MCTP1: variants seen among roughly 807,000 people sequenced by gnomAD.
MCTP1 encodes the protein multiple C2 and transmembrane domain containing 1.
In MCTP1, 69 loss-of-function variants were observed where a neutral mutation model predicts 120.6. The observed-to-expected ratio is 0.57, with a 90% CI of 0.47 to 0.70. MCTP1 has a LOEUF of 0.70. Ranked by LOEUF, MCTP1 falls within the 30% of genes least tolerant of loss-of-function variation. MCTP1 has a pLI of 0.00. For missense variants in MCTP1, 1,203 were observed against 1,248.8 expected (o/e 0.96, Z 0.55); for synonymous variants, 529 against 493.1 (o/e 1.07, Z -0.96).
intron 1 of MCTP1, among the ~76,000 whole-genome samples, chr5:95,144,401 T>A (rs1760197575): frequency 6.6e-6 from 1 of 152,170 alleles, no homozygotes; most frequent in African/African-American, 2.4e-5. Context: ...CAAATGCTGT[T>A]TAGTTTGTTT....
intron 10 of MCTP1, 94 bp downstream of exon 10, chr5:94,909,157 C>T (rs1458538566): frequency 1.6e-5 from 23 of 1,404,314 alleles, no homozygotes; most frequent in Admixed American, 4.1e-5. Context: ...TTCTTCAAAA[C>T]AGTAAAGATC....
intron 19 of MCTP1, among the ~76,000 whole-genome samples, chr5:94,763,496 G>A (rs116492927): frequency 0.014 from 2,199 of 152,174 alleles, 20 homozygotes; most frequent in Non-Finnish European, 0.022. Flanking sequence ...TTCCTTTGTG[G>A]AACATTCACT....
At chr5:95,058,807 T>G (rs1422259853) in intron 1 of MCTP1, among the ~76,000 whole-genome samples, 1 of 152,092 alleles carries the variant, frequency 6.6e-6, no homozygotes, top group Non-Finnish European at 1.5e-5. Context: ...AAACAGGGTT[T>G]TCAGGGGACA....
At chr5:94,966,305 T>C (rs138308308) in intron 2 of MCTP1, among the ~76,000 whole-genome samples, 25 of 152,314 alleles carry the variant, frequency 1.6e-4, no homozygotes, top group African/African-American at 6.0e-4. Context: ...CAGTGGCATA[T>C]AACTACTGTG....
intron 1 of MCTP1, among the ~76,000 whole-genome samples, chr5:95,072,075 A>G (rs1460135801): frequency 1.6e-5 from 1 of 62,136 alleles, no homozygotes; most frequent in African/African-American, 4.5e-5. Context: ...AACAATGCCA[A>G]TTTTCCTGTG....
chr5:95,170,189 T>A (rs908421300), intron 1 of MCTP1, among the ~76,000 whole-genome samples: 9 of 152,162 alleles, frequency 5.9e-5, no homozygotes, highest in Non-Finnish European at 1.3e-4. Flanking sequence ...ATTCAGGAGC[T>A]GGTTGTTCAG....
intron 17 of MCTP1, among the ~76,000 whole-genome samples, chr5:94,800,931 GAA>G (rs1781097503): frequency 1.3e-5 from 2 of 151,578 alleles, no homozygotes; most frequent in Non-Finnish European, 2.9e-5. Flanking sequence ...AAGATTTCCA[GAA>G]AAAGAAAAAT....
intron 19 of MCTP1, among the ~76,000 whole-genome samples, chr5:94,773,406 G>T (rs1774537358): frequency 6.6e-6 from 1 of 152,162 alleles, no homozygotes; most frequent in Admixed American, 6.5e-5. Flanking sequence ...CACAAGGACT[G>T]TTCCAATTTT....
In MCTP1 at chr5:95,026,866, G is replaced by A. The variant is rs147696323; in HGVS notation, c.721-9382C>T. On this transcript the variant is annotated intron_variant, in intron 1 of 22. Transcript: ENST00000515393. Reference sequence around the variant, plus strand: ...ACTTCGTGACAGATATTCAATTTTCGACTTTTAAAATTTAGCAATGTTGTC... The same window carrying A: ...ACTTCGTGACAGATATTCAATTTTCAACTTTTAAAATTTAGCAATGTTGTC... Among the ~76,000 whole-genome samples the A allele has an allele frequency of 3.5e-3, 530 of 152,166 alleles. 3 individuals carry two copies. The highest frequency in any genetic ancestry group is 0.012 in the African/African-American group (497 of 41,496).
chr5:95,002,641 G>C (rs1833950538), intron 2 of MCTP1, among the ~76,000 whole-genome samples: 1 of 152,204 alleles, frequency 6.6e-6, no homozygotes, highest in Non-Finnish European at 1.5e-5. Context: ...TTTGGAACGG[G>C]AGTATTTCAC....
intron 19 of MCTP1, among the ~76,000 whole-genome samples, chr5:94,754,008 G>A (rs964480261): frequency 1.3e-5 from 2 of 152,126 alleles, no homozygotes; most frequent in African/African-American, 4.8e-5. Flanking sequence ...GAGAGAAATC[G>A]CTCTTAGATG....
At chr5:94,714,438 AG>A (rs1380023899) in intron 20 of MCTP1, among the ~76,000 whole-genome samples, 2 of 151,438 alleles carry the variant, frequency 1.3e-5, no homozygotes, top group Non-Finnish European at 3.0e-5. Context: ...GTCCTCATTT[AG>A]CTTGGTTTAT....
At chr5:94,996,871 T>A (rs1009892642) in intron 2 of MCTP1, among the ~76,000 whole-genome samples, 5 of 152,192 alleles carry the variant, frequency 3.3e-5, no homozygotes, top group African/African-American at 7.2e-5. Context: ...CATGGTCAAT[T>A]ATTTAAAAAA....
intron 2 of MCTP1, among the ~76,000 whole-genome samples, chr5:95,004,988 C>T (rs1460865005): frequency 3.9e-5 from 6 of 152,218 alleles, no homozygotes; most frequent in Non-Finnish European, 8.8e-5. Context: ...TCAACACCAA[C>T]TGGTGAAAAC....
At chr5:95,248,437 A>G (rs1178780187) in intron 1 of MCTP1, among the ~76,000 whole-genome samples, 1 of 152,210 alleles carries the variant, frequency 6.6e-6, no homozygotes, top group Admixed American at 6.5e-5. Flanking sequence ...AAAGAGAATA[A>G]AATACCTAGG....
chr5:95,059,574 A>G (rs1748372453), intron 1 of MCTP1, among the ~76,000 whole-genome samples: 1 of 152,236 alleles, frequency 6.6e-6, no homozygotes. Flanking sequence ...GAAAGTTGAA[A>G]AAAAAATGAA....
chr5:95,272,226 G>A (rs1272757565), intron 1 of MCTP1, among the ~76,000 whole-genome samples: 1 of 152,078 alleles, frequency 6.6e-6, no homozygotes, highest in African/African-American at 2.4e-5. Context: ...AACATCATAG[G>A]AGTCAATTAT....
At chr5:94,898,085 C>A (rs1397982616) in intron 10 of MCTP1, among the ~76,000 whole-genome samples, 1 of 152,080 alleles carries the variant, frequency 6.6e-6, no homozygotes, top group African/African-American at 2.4e-5. Context: ...GAATATTATG[C>A]TTTTCTGTAA....
At chr5:95,110,603 T>C (rs1377147630) in intron 1 of MCTP1, among the ~76,000 whole-genome samples, 1 of 152,166 alleles carries the variant, frequency 6.6e-6, no homozygotes, top group Non-Finnish European at 1.5e-5. Context: ...AAAACCTAAC[T>C]AACACATTGA....
Sources: gnomAD v4.1 joint callset for allele counts (sites outside exome capture counted in the v4.1 genomes callset) on GRCh38, gnomAD v4.1.1 for gene constraint, MANE v1.5 for transcripts, NCBI Gene and HGNC (gene_info 2026-07-23, HGNC 2026-07-21) for gene names.